INPP4B: variants seen among roughly 807,000 people sequenced by gnomAD.
The protein encoded by INPP4B is inositol polyphosphate-4-phosphatase type II B, also known as inositol polyphosphate 4-phosphatase type II.
Under a neutral mutation model 122.5 loss-of-function variants are expected in INPP4B, and 55 were observed. The ratio of observed to expected loss-of-function variants is 0.45; its 90% CI spans 0.36 to 0.56. The LOEUF is 0.56. Ranked by LOEUF, INPP4B falls within the 20% of genes least tolerant of loss-of-function variation. INPP4B has a pLI of 0.00. For missense variants in INPP4B, 1,000 were observed against 1,097.7 expected (o/e 0.91, Z 1.26); for synonymous variants, 403 against 388.7 (o/e 1.04, Z -0.43).
At chr4:142,206,773 A>G (rs990188884) in intron 14 of INPP4B, among the ~76,000 whole-genome samples, 2 of 152,034 alleles carry the variant, frequency 1.3e-5, no homozygotes, top group Admixed American at 6.6e-5. Flanking sequence ...TCTCTTTAAT[A>G]TTACTATTAT....
chr4:142,685,299 T>C (rs1580704631), intron 2 of INPP4B, among the ~76,000 whole-genome samples: 2 of 137,000 alleles, frequency 1.5e-5, no homozygotes, highest in South Asian at 4.8e-4. Context: ...TAGATCCTCG[T>C]TGACTGAAGA....
intron 3 of INPP4B, among the ~76,000 whole-genome samples, chr4:142,433,011 T>G (rs1265415808): frequency 6.6e-6 from 1 of 152,176 alleles, no homozygotes; most frequent in East Asian, 1.9e-4. Flanking sequence ...ATACTATCCA[T>G]GCAAAACTAA....
At chr4:142,329,625 C>G (rs1773725728) in intron 7 of INPP4B, among the ~76,000 whole-genome samples, 3 of 152,048 alleles carry the variant, frequency 2.0e-5, no homozygotes, top group African/African-American at 7.2e-5. Context: ...TCTACTTTTT[C>G]CTAGAGTCAG....
At chr4:142,157,737 C>T (rs1293136726) in intron 17 of INPP4B, among the ~76,000 whole-genome samples, 2 of 152,080 alleles carry the variant, frequency 1.3e-5, no homozygotes, top group East Asian at 3.9e-4. Context: ...AACAACCATG[C>T]CACCTGATAC....
chr4:142,089,169 TG>T (rs1427288924), intron 23 of INPP4B, among the ~76,000 whole-genome samples: 3 of 152,166 alleles, frequency 2.0e-5, no homozygotes, highest in Non-Finnish European at 4.4e-5. Flanking sequence ...CTGGGGAATC[TG>T]GGCTTCATCC....
At chr4:142,697,450 T>G (rs1450432446) in intron 2 of INPP4B, among the ~76,000 whole-genome samples, 1 of 152,194 alleles carries the variant, frequency 6.6e-6, no homozygotes, top group Middle Eastern at 3.2e-3. Context: ...AAGTTTATTG[T>G]TTCTGGCAGT....
rs990728970 is a variant in INPP4B, at chr4:142,026,996, A to C, written c.*1786T>G. ...TATCTTAAATCTAATAGGGTAATGA[A>C]AATAACCACAAATCCTACCATTTTC... On this transcript the variant is annotated 3_prime_UTR_variant, in exon 26 of 26. Transcript: ENST00000262992. The C allele has an allele frequency of 5.9e-5, 9 of 152,254 alleles. No individual in the cohort carries two copies. Among genetic ancestry groups the C allele is most frequent in the African/African-American group, 2.2e-4 (9 of 41,546 alleles). The allele number at this position is 152,254 out of a possible 1,614,324, so 9.4% of individuals were successfully genotyped here.
At chr4:142,050,084 A>G (rs1753691046) in intron 25 of INPP4B, among the ~76,000 whole-genome samples, 1 of 152,024 alleles carries the variant, frequency 6.6e-6, no homozygotes, top group African/African-American at 2.4e-5. Context: ...ATTAATTACT[A>G]TTGTTAGGCT....
intron 10 of INPP4B, among the ~76,000 whole-genome samples, chr4:142,268,201 TAGTCCCAGCTACTCGGG>T (rs2150515362): frequency 6.6e-6 from 1 of 150,636 alleles, no homozygotes; most frequent in Non-Finnish European, 1.5e-5. Context: ...CGGGTCCCTG[TAGTCCCAGCTACTCGGG>T]AGGCTGGGGC....
chr4:142,115,246 T>C (rs1792486262), intron 21 of INPP4B, among the ~76,000 whole-genome samples: 2 of 152,180 alleles, frequency 1.3e-5, no homozygotes, highest in Non-Finnish European at 2.9e-5. Context: ...TGCAGGATAT[T>C]ATTCAGGAGA....
intron 2 of INPP4B, among the ~76,000 whole-genome samples, chr4:142,667,484 G>T (rs962167606): frequency 6.6e-6 from 1 of 152,164 alleles, no homozygotes; most frequent in Non-Finnish European, 1.5e-5. Flanking sequence ...TAGGAATCCA[G>T]GTTATGGAGT....
chr4:142,574,514 T>C lies in INPP4B; in HGVS notation c.-190-111788A>G, dbSNP rs76756115. Among the ~76,000 whole-genome samples the C allele has an allele frequency of 8.2e-3, 1,255 of 152,178 alleles. 23 individuals carry two copies. The highest frequency in any genetic ancestry group is 0.028 in the African/African-American group (1,177 of 41,540). ...TCTTGAGTCACTTTCAGCCTTACCC[T>C]GGCCAGAGAAAGTTACTTGAAGCTT... is the stretch of plus-strand genomic sequence containing the variant. On this transcript the variant is annotated intron_variant, in intron 2 of 25. Transcript: ENST00000262992.
intron 11 of INPP4B, among the ~76,000 whole-genome samples, chr4:142,240,644 T>G (rs1244643720): frequency 1.3e-5 from 2 of 152,186 alleles, no homozygotes; most frequent in Admixed American, 1.3e-4. Context: ...CTAAATTGCG[T>G]ATCTTTATCA....
chr4:142,283,948 T>C (rs1403052572), intron 9 of INPP4B, among the ~76,000 whole-genome samples: 3 of 151,930 alleles, frequency 2.0e-5, no homozygotes, highest in Non-Finnish European at 4.4e-5. Flanking sequence ...CACAGGAAAA[T>C]GAAGTCTGGT....
intron 2 of INPP4B, among the ~76,000 whole-genome samples, chr4:142,506,571 A>G (rs990220884): frequency 8.5e-5 from 13 of 152,162 alleles, no homozygotes; most frequent in African/African-American, 3.1e-4. Context: ...ACAGGGAGAC[A>G]TTGTCTCATT....
chr4:142,596,135 C>A (rs1243218451), intron 2 of INPP4B, among the ~76,000 whole-genome samples: 12 of 152,178 alleles, frequency 7.9e-5, no homozygotes, highest in Admixed American at 7.2e-4. Flanking sequence ...ATGAGCGACA[C>A]CGCCCAGCCA....
intron 25 of INPP4B, among the ~76,000 whole-genome samples, chr4:142,042,711 C>T (rs573051744): frequency 1.4e-4 from 21 of 152,200 alleles, no homozygotes; most frequent in African/African-American, 3.9e-4. Context: ...TACAGGCACG[C>T]GCCCTCATGA....
intron 23 of INPP4B, among the ~76,000 whole-genome samples, chr4:142,091,956 C>T (rs1202055764): frequency 3.9e-5 from 6 of 152,176 alleles, no homozygotes; most frequent in Admixed American, 3.9e-4. Flanking sequence ...GTGGCAGATA[C>T]AAAATTGCCA....
At chr4:142,217,926 G>A (rs1459475774) in intron 12 of INPP4B, among the ~76,000 whole-genome samples, 1 of 152,048 alleles carries the variant, frequency 6.6e-6, no homozygotes, top group Non-Finnish European at 1.5e-5. Flanking sequence ...TGACACACTC[G>A]ACTGGAACTA....
Sources: gnomAD v4.1 joint callset for allele counts (sites outside exome capture counted in the v4.1 genomes callset) on GRCh38, gnomAD v4.1.1 for gene constraint, MANE v1.5 for transcripts, NCBI Gene and HGNC (gene_info 2026-07-23, HGNC 2026-07-21) for gene names.